Variants in AQR observed in about 807,000 individuals in gnomAD.
AQR encodes the protein aquarius intron-binding spliceosomal factor.
Under a neutral mutation model 180.5 loss-of-function variants are expected in AQR, and 61 were observed. That is an observed-to-expected ratio of 0.34 (90% CI 0.28 to 0.42). The LOEUF is 0.42. Ranked by LOEUF, AQR falls within the 10% of genes least tolerant of loss-of-function variation. The pLI, the probability that AQR is intolerant of heterozygous loss-of-function variation, is 1.00. For synonymous variants in AQR, 551 were observed against 588.8 expected (o/e 0.94, Z 0.93); for missense variants, 1,281 against 1,798.3 (o/e 0.71, Z 5.20).
At chr15:34,922,816 TA>T (rs60385281) in intron 13 of AQR, among the ~76,000 whole-genome samples, 9 of 148,032 alleles carry the variant, frequency 6.1e-5, no homozygotes, top group Admixed American at 1.4e-4. Context: ...CCTTATCCAT[TA>T]AAAAAAAAAC....
intron 20 of AQR, among the ~76,000 whole-genome samples, chr15:34,899,676 T>TA (rs1893300407): frequency 6.8e-6 from 1 of 147,418 alleles, no homozygotes; most frequent in Admixed American, 6.8e-5. Context: ...TGGCCTATTA[T>TA]TATATATATA....
intron 26 of AQR, among the ~76,000 whole-genome samples, chr15:34,883,410 G>A (rs1377686021): frequency 1.3e-5 from 2 of 152,112 alleles, no homozygotes; most frequent in Non-Finnish European, 2.9e-5. Context: ...GAGGTACCCT[G>A]TATAACCTTC....
intron 3 of AQR, among the ~76,000 whole-genome samples, chr15:34,959,396 G>A (rs879529547): frequency 6.6e-6 from 1 of 152,050 alleles, no homozygotes; most frequent in Non-Finnish European, 1.5e-5. Context: ...ACTACTTACT[G>A]GGCTTGAACA....
At chr15:34,908,488 T>A (rs920647914) in intron 17 of AQR, among the ~76,000 whole-genome samples, 3 of 152,196 alleles carry the variant, frequency 2.0e-5, no homozygotes, top group Non-Finnish European at 4.4e-5. Context: ...TTACTCCATT[T>A]TCTATTTGGC....
At chr15:34,858,667 C>T (rs1892625813) in intron 34 of AQR, among the ~76,000 whole-genome samples, 1 of 152,114 alleles carries the variant, frequency 6.6e-6, no homozygotes, top group African/African-American at 2.4e-5. Context: ...AGCTAAAGGA[C>T]TTATGTTATC....
intron 9 of AQR, among the ~76,000 whole-genome samples, chr15:34,935,955 A>G (rs1032133727): frequency 6.6e-6 from 1 of 152,196 alleles, no homozygotes; most frequent in African/African-American, 2.4e-5. Context: ...TGAATTCTGT[A>G]TCTTTATTTA....
chr15:34,969,644 ACT>A lies in AQR; in HGVS notation c.-33_-32del, dbSNP rs1280408223. The A allele has an allele frequency of 6.2e-7, 1 of 1,607,726 alleles. No individual in the cohort carries two copies. Among genetic ancestry groups the A allele is most frequent in the Non-Finnish European group, 8.5e-7 (1 of 1,177,672 alleles). On this transcript the variant is annotated 5_prime_UTR_variant, in exon 1 of 35. Transcript: ENST00000156471. ...CACTCTTCCCTCCACTCCAGTGGAA[ACT>A]AAAGGACCGCTCTGGGCAGCGGCAA...
chr15:34,898,512 G>A (rs945503772), intron 20 of AQR, among the ~76,000 whole-genome samples: 1 of 152,302 alleles, frequency 6.6e-6, no homozygotes, highest in East Asian at 1.9e-4. Context: ...ATTCTAGTGA[G>A]GTGAGACAGG....
chr15:34,920,425 T>C lies in AQR; in HGVS notation c.1128A>G (p.Thr376=), dbSNP rs200002505. The C allele has an allele frequency of 7.3e-4, 1,172 of 1,612,324 alleles. 1 individual carries two copies. The highest frequency in any genetic ancestry group is 9.1e-4 in the Non-Finnish European group (1,076 of 1,178,936). Residue 376 remains threonine, a synonymous_variant, in exon 14 of 35, where the codon ACA becomes ACG. Coordinates refer to ENST00000156471, the MANE Select transcript of AQR (RefSeq NM_014691.3). Reference sequence around the variant, plus strand: ...AGAGGTATGATGCCACCTGGTGGAGTGTGTTTGAACTGCAGAATAGAGAAC... The same window carrying C: ...AGAGGTATGATGCCACCTGGTGGAGCGTGTTTGAACTGCAGAATAGAGAAC... ...VKFFGPLSSN[T]LHQVASYLCL...
chr15:34,964,816 G>A (rs1051742088), intron 1 of AQR, among the ~76,000 whole-genome samples: 1 of 151,778 alleles, frequency 6.6e-6, no homozygotes, highest in Non-Finnish European at 1.5e-5. Context: ...ATAAGAGCTG[G>A]CATATTTCAG....
In AQR at chr15:34,855,039, T is replaced by G. The variant is rs1397347468; in HGVS notation, c.*1753A>C. Reference sequence around the variant, plus strand: ...TTATCGGAGAAATTACATAACAGGCTATCTGGCTTGATCCTTACTCTGATA... The same window carrying G: ...TTATCGGAGAAATTACATAACAGGCGATCTGGCTTGATCCTTACTCTGATA... On this transcript the variant is annotated 3_prime_UTR_variant, in exon 35 of 35. Coordinates refer to ENST00000156471, the MANE Select transcript of AQR (RefSeq NM_014691.3). The G allele has an allele frequency of 6.6e-6, 1 of 152,246 alleles. No homozygotes were observed. 9.4% of individuals were successfully genotyped at this position (152,246 alleles called of 1,614,324 possible).
rs558170890 is a variant in AQR at position 34,879,516 on chromosome 15, A to G, written c.3165+2986T>C. On this transcript the variant is annotated intron_variant, in intron 27 of 34. Coordinates refer to ENST00000156471, the MANE Select transcript of AQR (RefSeq NM_014691.3). ...ACTAATCCCAGAATCCACCCCCTGT[A>G]TATTTTCTAATAAAATTACTGCCTT... 3.9e-5 allele frequency among the ~76,000 whole-genome samples: 6 copies of G among 152,314 alleles called. No individual in the cohort carries two copies. In the East Asian group the frequency reaches 5.8e-4, roughly 15 times the overall value.
chr15:34,957,346 G>A (rs557074278), intron 3 of AQR, among the ~76,000 whole-genome samples: 1 of 151,680 alleles, frequency 6.6e-6, no homozygotes, highest in Non-Finnish European at 1.5e-5. Flanking sequence ...TAGTAGAGAC[G>A]GGGTTTCACC....
intron 9 of AQR, among the ~76,000 whole-genome samples, chr15:34,935,629 C>T (rs1893932842): frequency 6.6e-6 from 1 of 152,110 alleles, no homozygotes; most frequent in Non-Finnish European, 1.5e-5. Context: ...TGCCCATAAT[C>T]CAAACCCTGA....
intron 20 of AQR, among the ~76,000 whole-genome samples, chr15:34,897,981 T>C (rs1184731824): frequency 6.6e-6 from 1 of 152,236 alleles, no homozygotes; most frequent in Non-Finnish European, 1.5e-5. Flanking sequence ...GTAAAGTGTT[T>C]TATTCATTGT....
chr15:34,938,948 T>G (rs1893983573), intron 8 of AQR, 135 bp from the exon 9 acceptor site: 1 of 611,296 alleles, frequency 1.6e-6, no homozygotes, highest in Non-Finnish European at 2.9e-6. Flanking sequence ...ATAACTTCAA[T>G]ATACAGCTTC....
chr15:34,928,719 G>T (rs940976590), intron 12 of AQR, among the ~76,000 whole-genome samples: 1 of 152,122 alleles, frequency 6.6e-6, no homozygotes, highest in African/African-American at 2.4e-5. Context: ...TGGGATTGCT[G>T]GGTCAAATGG....
chr15:34,862,820 T>G, intron 33 of AQR, 47 bp downstream of exon 33: 1 of 1,596,196 alleles, frequency 6.3e-7, no homozygotes, highest in Non-Finnish European at 8.6e-7. Flanking sequence ...AATCCCAATT[T>G]CCACTCTGAG....
chr15:34,956,696 GAAA>G (rs565202160), intron 3 of AQR, among the ~76,000 whole-genome samples: 1 of 83,400 alleles, frequency 1.2e-5, no homozygotes, highest in Non-Finnish European at 2.2e-5. Flanking sequence ...TAAGAAGTCA[GAAA>G]AAAAAAAAAA....
Sources: allele counts gnomAD v4.1 joint callset (sites outside exome capture counted in the v4.1 genomes callset), GRCh38; gene constraint gnomAD v4.1.1; transcripts MANE v1.5; gene names NCBI Gene and HGNC (gene_info 2026-07-23, HGNC 2026-07-21).